The following RASAL2 variants were observed in gnomAD, a reference collection of about 807,000 sequenced individuals.
RASAL2 encodes ras GTPase-activating protein nGAP.
A neutral mutation model predicts 128.9 loss-of-function variants in RASAL2; 58 were observed. The observed-to-expected ratio is 0.45, with a 90% CI of 0.36 to 0.56. The LOEUF (loss-of-function observed/expected upper bound fraction) is 0.56, where lower values mean the gene tolerates loss of function less well. Among genes scored for constraint, RASAL2 ranks in the 20% least tolerant of loss-of-function variants. The probability of loss-of-function intolerance (pLI) is 0.00; values close to 1 mark genes in which losing one functional copy is unlikely to be tolerated. For missense variants in RASAL2, 1,360 were observed against 1,601.6 expected, an observed-to-expected ratio of 0.85 and a Z score of 2.57; for synonymous variants, 561 against 580.8, an observed-to-expected ratio of 0.97 and a Z score of 0.49.
chr1:178,331,520 A>T (rs933922627), intron 3 of RASAL2, among the ~76,000 whole-genome samples: 2 of 152,100 alleles, frequency 1.3e-5, no homozygotes, highest in Non-Finnish European at 2.9e-5. Context: ...TGCTATTAGC[A>T]ATCATAGGAC....
At chr1:178,242,348 T>C (rs997891793) in intron 1 of RASAL2, among the ~76,000 whole-genome samples, 6 of 152,182 alleles carry the variant, frequency 3.9e-5, no homozygotes, top group African/African-American at 1.4e-4. Context: ...TCTTTTAACA[T>C]ATCTTTTCTC....
intron 3 of RASAL2, among the ~76,000 whole-genome samples, chr1:178,387,431 T>A (rs1421670553): frequency 6.6e-6 from 1 of 152,124 alleles, no homozygotes; most frequent in Non-Finnish European, 1.5e-5. Context: ...TGTGCAGGTT[T>A]GTTACATATG....
At chr1:178,265,791 GCAAA>G (rs1281143725) in intron 1 of RASAL2, among the ~76,000 whole-genome samples, 1 of 152,134 alleles carries the variant, frequency 6.6e-6, no homozygotes, top group Non-Finnish European at 1.5e-5. Flanking sequence ...CACTTCACCT[GCAAA>G]CAGTGACTAC....
At chr1:178,341,403 G>T (rs1157581389) in intron 3 of RASAL2, 4 of 1,401,440 alleles carry the variant, frequency 2.9e-6, no homozygotes, top group African/African-American at 1.5e-5. Context: ...TGGGGGCGGG[G>T]TTGGGGCGAG....
chr1:178,334,231 CTTAT>C (rs958808359), intron 3 of RASAL2, among the ~76,000 whole-genome samples: 10 of 151,510 alleles, frequency 6.6e-5, no homozygotes, highest in African/African-American at 2.4e-4. Flanking sequence ...AGTTATTTTT[CTTAT>C]TTAATGAGAT....
chr1:178,417,408 A>G (rs1674828906), intron 4 of RASAL2, among the ~76,000 whole-genome samples: 1 of 152,174 alleles, frequency 6.6e-6, no homozygotes, highest in Non-Finnish European at 1.5e-5. Context: ...TCTACAACAA[A>G]TAAGCATAAG....
At chr1:178,328,186 C>T (rs1014168067) in intron 3 of RASAL2, among the ~76,000 whole-genome samples, 3 of 152,100 alleles carry the variant, frequency 2.0e-5, no homozygotes, top group Middle Eastern at 3.2e-3. Context: ...TCTCCTATCA[C>T]GTTTTTGGTG....
chr1:178,346,898 T>C (rs912409003), intron 3 of RASAL2, among the ~76,000 whole-genome samples: 1 of 152,212 alleles, frequency 6.6e-6, no homozygotes, highest in Middle Eastern at 3.2e-3. Flanking sequence ...GGAAATTTAT[T>C]GTAATATAAA....
At chr1:178,191,484 T>C (rs566921136) in intron 1 of RASAL2, among the ~76,000 whole-genome samples, 1 of 152,342 alleles carries the variant, frequency 6.6e-6, no homozygotes, top group African/African-American at 2.4e-5. Flanking sequence ...CATAGCCTGG[T>C]AACAGTTTGT....
chr1:178,336,121 C>T (rs984765022), intron 3 of RASAL2, among the ~76,000 whole-genome samples: 4 of 151,372 alleles, frequency 2.6e-5, no homozygotes, highest in South Asian at 2.1e-4. Context: ...TAATTTACTT[C>T]GTAGGTTTTT....
intron 1 of RASAL2, among the ~76,000 whole-genome samples, chr1:178,279,897 A>G (rs1250826442): frequency 1.3e-5 from 2 of 152,126 alleles, no homozygotes; most frequent in African/African-American, 4.8e-5. Context: ...CTTTTTTGAT[A>G]TTATATAATG....
At chr1:178,424,673 G>T (rs897573847) in intron 5 of RASAL2, among the ~76,000 whole-genome samples, 6 of 151,966 alleles carry the variant, frequency 3.9e-5, no homozygotes, top group African/African-American at 1.4e-4. Flanking sequence ...TGTTCCCTAG[G>T]CTGGTCTCAA....
intron 1 of RASAL2, among the ~76,000 whole-genome samples, chr1:178,203,163 A>G (rs1202945730): frequency 6.6e-6 from 1 of 152,226 alleles, no homozygotes; most frequent in East Asian, 1.9e-4. Flanking sequence ...TTCTACCAAG[A>G]CTACCATATG....
chr1:178,189,826 T>G (rs995933142), intron 1 of RASAL2, among the ~76,000 whole-genome samples: 1 of 152,212 alleles, frequency 6.6e-6, no homozygotes, highest in Non-Finnish European at 1.5e-5. Context: ...CAATGTATAT[T>G]TACAGCAGTC....
At chr1:178,196,508 A>T (rs1437901233) in intron 1 of RASAL2, among the ~76,000 whole-genome samples, 3 of 152,166 alleles carry the variant, frequency 2.0e-5, no homozygotes, top group Non-Finnish European at 4.4e-5. Flanking sequence ...ATTCCAGAAA[A>T]TTCTAGAAAT....
chr1:178,253,871 A>G (rs916295352), intron 1 of RASAL2, among the ~76,000 whole-genome samples: 3 of 152,214 alleles, frequency 2.0e-5, no homozygotes, highest in Non-Finnish European at 4.4e-5. Context: ...GCTTCGGGCC[A>G]TCTGGTCACA....
chr1:178,275,533 C>T (rs192495372), intron 1 of RASAL2, among the ~76,000 whole-genome samples: 235 of 152,296 alleles, frequency 1.5e-3, no homozygotes, highest in African/African-American at 5.5e-3. Flanking sequence ...TAAGTAATGG[C>T]ACCAAACTAA....
chr1:178,285,713 A>AT (rs1366863492), intron 2 of RASAL2, among the ~76,000 whole-genome samples: 1 of 152,226 alleles, frequency 6.6e-6, no homozygotes, highest in African/African-American at 2.4e-5. Context: ...CAAAATCTTC[A>AT]TTTTAACCAA....
intron 1 of RASAL2, chr1:178,121,089 T>C (rs571834345): frequency 6.6e-5 from 10 of 152,312 alleles, no homozygotes; most frequent in African/African-American, 2.4e-4. Context: ...TTTTTCCAGG[T>C]GAGTATCGTC....
Sources: allele counts gnomAD v4.1 joint callset (sites outside exome capture counted in the v4.1 genomes callset), GRCh38; gene constraint gnomAD v4.1.1; transcripts MANE v1.5; gene names NCBI Gene and HGNC (gene_info 2026-07-23, HGNC 2026-07-21).